Variants in EFL1 observed in about 807,000 individuals in gnomAD.
EFL1 encodes elongation factor like GTPase 1.
In EFL1, 76 loss-of-function variants were observed where a neutral mutation model predicts 126.7. The ratio of observed to expected loss-of-function variants is 0.60; its 90% CI spans 0.50 to 0.73. The LOEUF (loss-of-function observed/expected upper bound fraction) is 0.73, where lower values mean the gene tolerates loss of function less well. Among genes scored for constraint, EFL1 ranks in the 30% least tolerant of loss-of-function variants. The pLI, the probability that EFL1 is intolerant of heterozygous loss-of-function variation, is 0.00. For missense variants in EFL1, 1,128 were observed against 1,343.2 expected, an observed-to-expected ratio of 0.84 and a Z score of 2.50; for synonymous variants, 410 against 448.4, an observed-to-expected ratio of 0.91 and a Z score of 1.08.
chr15:82,254,527 T>C (rs2075050619), intron 3 of EFL1, among the ~76,000 whole-genome samples: 1 of 152,164 alleles, frequency 6.6e-6, no homozygotes, highest in East Asian at 1.9e-4. Flanking sequence ...GTAACCACTA[T>C]CTTGAATTTT....
intron 15 of EFL1, 144 bp from the exon 16 acceptor site, chr15:82,164,128 GT>G (rs879265545): frequency 0.043 from 31,321 of 729,406 alleles, 1 homozygote; most frequent in East Asian, 0.065. Context: ...GACCTGCACT[GT>G]TTTTTTTTTT....
At position 82,163,888 on chromosome 15, in the gene EFL1, G is replaced by C; in HGVS notation, c.1847C>G (p.Pro616Arg). The change falls in exon 16 of 20, where the codon CCT becomes CGT. Residue 616 changes from proline (P) to arginine (R), a missense_variant. Physicochemically the swap from Pro to Arg is moderately radical, Grantham distance 103. Transcript: ENST00000268206. ...TGGTTCAACAGCAACTCTCACAATA[G>C]GAGTGGCTTCGAAGTTGAGTGGTAT... is the stretch of plus-strand genomic sequence containing the variant. ...PFIPLNFEAT[P>R]IVRVAVEPKH... is the part of the protein sequence containing the mutation. 6.2e-7 allele frequency: 1 copy of C among 1,614,144 alleles called. No individual in the cohort carries two copies. Among genetic ancestry groups the C allele is most frequent in the Non-Finnish European group, 8.5e-7 (1 of 1,180,004 alleles).
At chr15:82,218,315 T>C (rs1277764267) in intron 14 of EFL1, among the ~76,000 whole-genome samples, 1 of 152,194 alleles carries the variant, frequency 6.6e-6, no homozygotes, top group African/African-American at 2.4e-5. Context: ...TCAGGTTTTT[T>C]TTTAAGCAGT....
intron 15 of EFL1, among the ~76,000 whole-genome samples, chr15:82,171,034 C>T (rs2074130090): frequency 6.6e-6 from 1 of 152,170 alleles, no homozygotes; most frequent in Non-Finnish European, 1.5e-5. Flanking sequence ...TTTACACAAC[C>T]AGGAAATCAT....
intron 3 of EFL1, among the ~76,000 whole-genome samples, chr15:82,253,442 AT>A (rs140344746): frequency 0.26 from 39,809 of 151,790 alleles, 5,646 homozygotes; most frequent in Non-Finnish European, 0.31. Flanking sequence ...ACTAGGAACC[AT>A]AAATGTATTG....
chr15:82,201,032 CT>C (rs1258792690), intron 15 of EFL1, among the ~76,000 whole-genome samples: 2 of 152,160 alleles, frequency 1.3e-5, no homozygotes, highest in African/African-American at 4.8e-5. Context: ...GCCACCATGC[CT>C]GTTTTTTTAT....
intron 15 of EFL1, among the ~76,000 whole-genome samples, chr15:82,201,749 C>T (rs973592144): frequency 6.7e-6 from 1 of 148,228 alleles, no homozygotes; most frequent in Non-Finnish European, 1.5e-5. Context: ...GAATCTACCC[C>T]ACACAGCTAA....
chr15:82,161,005 C>T (rs2141239276), intron 16 of EFL1, among the ~76,000 whole-genome samples: 1 of 152,212 alleles, frequency 6.6e-6, no homozygotes, highest in Middle Eastern at 3.4e-3. Context: ...ATTTGTAGTT[C>T]TCTGTGTTGA....
At chr15:82,170,138 G>A (rs1459032307) in intron 15 of EFL1, among the ~76,000 whole-genome samples, 1 of 119,798 alleles carries the variant, frequency 8.3e-6, no homozygotes, top group Non-Finnish European at 1.7e-5. Flanking sequence ...TTTTTGAGAC[G>A]GAGTCTCGCT....
chr15:82,221,201 T>A (rs182112207), intron 12 of EFL1, among the ~76,000 whole-genome samples: 13 of 152,288 alleles, frequency 8.5e-5, no homozygotes, highest in Middle Eastern at 3.4e-3. Flanking sequence ...TGTGCCTCTC[T>A]CCCGTGTTGT....
intron 5 of EFL1, 47 bp from the exon 6 acceptor site, chr15:82,240,602 T>G: frequency 6.2e-7 from 1 of 1,600,174 alleles, no homozygotes; most frequent in Non-Finnish European, 8.5e-7. Flanking sequence ...TTTGAAATAA[T>G]TAGAGCACAT....
chr15:82,216,437 C>A (rs575085989), intron 14 of EFL1, among the ~76,000 whole-genome samples: 1 of 152,038 alleles, frequency 6.6e-6, no homozygotes, highest in African/African-American at 2.4e-5. Flanking sequence ...AAGAAAAACA[C>A]GGTAAAGGGA....
intron 15 of EFL1, among the ~76,000 whole-genome samples, chr15:82,187,094 A>G (rs1237158048): frequency 1.3e-5 from 2 of 152,192 alleles, no homozygotes; most frequent in East Asian, 3.8e-4. Context: ...GAGTAATTGA[A>G]AAAATGTTCT....
chr15:82,150,883 G>A (rs2073899137), intron 18 of EFL1, among the ~76,000 whole-genome samples: 1 of 152,140 alleles, frequency 6.6e-6, no homozygotes, highest in Admixed American at 6.5e-5. Context: ...AGGTTTGGAT[G>A]GTAACACATA....
At chr15:82,184,722 A>T (rs1324401124) in intron 15 of EFL1, among the ~76,000 whole-genome samples, 1 of 152,214 alleles carries the variant, frequency 6.6e-6, no homozygotes, top group African/African-American at 2.4e-5. Flanking sequence ...CCACATTTGG[A>T]AAAGAAGTGG....
intron 15 of EFL1, among the ~76,000 whole-genome samples, chr15:82,203,712 C>T (rs1407791949): frequency 2.0e-5 from 3 of 152,178 alleles, no homozygotes; most frequent in Admixed American, 2.0e-4. Flanking sequence ...TGGTCTGCAA[C>T]TTGCTTGTTT....
At chr15:82,156,796 C>T (rs948205379) in intron 17 of EFL1, among the ~76,000 whole-genome samples, 6 of 152,002 alleles carry the variant, frequency 3.9e-5, no homozygotes, top group Non-Finnish European at 7.4e-5. Flanking sequence ...GAAGGAAGGC[C>T]ATTACAGGGC....
chr15:82,185,874 A>AT (rs1420150232), intron 15 of EFL1, among the ~76,000 whole-genome samples: 1 of 152,084 alleles, frequency 6.6e-6, no homozygotes, highest in Non-Finnish European at 1.5e-5. Context: ...AGTATACAGT[A>AT]TTTTCTTAAA....
intron 7 of EFL1, among the ~76,000 whole-genome samples, chr15:82,232,288 G>C (rs1250129772): frequency 6.6e-6 from 1 of 152,196 alleles, no homozygotes; most frequent in Non-Finnish European, 1.5e-5. Context: ...TTCTTAGATG[G>C]TTAAAACCAG....
Sources: gnomAD v4.1 joint callset for allele counts (sites outside exome capture counted in the v4.1 genomes callset) on GRCh38, gnomAD v4.1.1 for gene constraint, MANE v1.5 for transcripts, NCBI Gene and HGNC (gene_info 2026-07-23, HGNC 2026-07-21) for gene names.